Variants in AFG2A observed in about 807,000 individuals in gnomAD.
The protein encoded by AFG2A is AAA ATPase AFG2A, also known as ATPase family gene 2 protein homolog A.
the AFG2A span, chr4:123,102,295 G>GAAAAAAAA: frequency 6.7e-5 from 9 of 133,650 alleles, no homozygotes; most frequent in Admixed American, 1.5e-4. Context: ...GTGATTTTCA[G>GAAAAAAAA]AAAAAAAAAA....
chr4:123,090,267 C>A, the AFG2A span, among the ~76,000 whole-genome samples: 33 of 152,270 alleles, frequency 2.2e-4, no homozygotes, highest in Non-Finnish European at 3.8e-4. Context: ...TTGAACAATT[C>A]TCTATGTATT....
At chr4:123,076,326 A>G in the AFG2A span, among the ~76,000 whole-genome samples, 18 of 152,110 alleles carry the variant, frequency 1.2e-4, no homozygotes, top group Admixed American at 1.2e-3. Context: ...AAACAAATTC[A>G]AAATAAAAAA....
the AFG2A span, among the ~76,000 whole-genome samples, chr4:122,978,221 G>A: frequency 6.6e-6 from 1 of 152,096 alleles, no homozygotes; most frequent in African/African-American, 2.4e-5. Context: ...ACCTGGAGTG[G>A]GTGGCTCCTT....
chr4:123,256,761 A>G, the AFG2A span: 1 of 985,338 alleles, frequency 1.0e-6, no homozygotes, highest in South Asian at 4.7e-5. Flanking sequence ...GAACAGCAAG[A>G]CCTCTGTGAA....
chr4:123,057,363 A>G, the AFG2A span: 1 of 1,449,816 alleles, frequency 6.9e-7, no homozygotes, highest in Non-Finnish European at 9.5e-7. Flanking sequence ...TGGTATAAAT[A>G]GCATTTTGTA....
At chr4:123,160,518 A>G in the AFG2A span, among the ~76,000 whole-genome samples, 2 of 152,150 alleles carry the variant, frequency 1.3e-5, no homozygotes, top group Non-Finnish European at 2.9e-5. Flanking sequence ...TATCCTTGAC[A>G]TGTCTCCCTC....
At chr4:122,931,639 G>C in the AFG2A span, among the ~76,000 whole-genome samples, 9 of 152,198 alleles carry the variant, frequency 5.9e-5, no homozygotes, top group East Asian at 1.7e-3. Context: ...GAAATGTTAA[G>C]GGACTTGCCT....
chr4:123,122,633 A>T, the AFG2A span, among the ~76,000 whole-genome samples: 1 of 152,180 alleles, frequency 6.6e-6, no homozygotes, highest in South Asian at 2.1e-4. Context: ...TGCAGTGGTA[A>T]TTAATGAAGG....
At chr4:123,177,831 C>T in the AFG2A span, among the ~76,000 whole-genome samples, 17 of 152,256 alleles carry the variant, frequency 1.1e-4, 1 homozygote, top group Non-Finnish European at 1.8e-4. Context: ...GCCGCATGGC[C>T]GCATAGGGGA....
At chr4:123,078,372 G>C in the AFG2A span, among the ~76,000 whole-genome samples, 1 of 152,158 alleles carries the variant, frequency 6.6e-6, no homozygotes, top group Non-Finnish European at 1.5e-5. Context: ...GTACATATGA[G>C]GTGTGTAGTA....
At chr4:123,283,228 A>C in the AFG2A span, among the ~76,000 whole-genome samples, 2 of 152,202 alleles carry the variant, frequency 1.3e-5, no homozygotes, top group African/African-American at 4.8e-5. Context: ...AAAGGGAATA[A>C]TATTTTTAAG....
At chr4:123,095,598 T>C in the AFG2A span, among the ~76,000 whole-genome samples, 1 of 152,104 alleles carries the variant, frequency 6.6e-6, no homozygotes, top group Non-Finnish European at 1.5e-5. Context: ...CATCCTGTTA[T>C]GAAGTAAAGA....
the AFG2A span, among the ~76,000 whole-genome samples, chr4:122,990,691 C>A: frequency 3.3e-5 from 5 of 152,100 alleles, no homozygotes; most frequent in African/African-American, 7.2e-5. Flanking sequence ...TCTGCTCAAA[C>A]GATCCTCCTG....
the AFG2A span, among the ~76,000 whole-genome samples, chr4:122,927,336 T>C: frequency 6.6e-6 from 1 of 152,146 alleles, no homozygotes; most frequent in Non-Finnish European, 1.5e-5. Flanking sequence ...AGAGACTCTC[T>C]TTTGCAATTA....
the AFG2A span, among the ~76,000 whole-genome samples, chr4:123,224,478 G>A: frequency 6.6e-6 from 1 of 151,434 alleles, no homozygotes; most frequent in East Asian, 1.9e-4. Flanking sequence ...TTTTGTCCTT[G>A]CGATAGTTTG....
chr4:123,074,904 T>G, the AFG2A span, among the ~76,000 whole-genome samples: 1 of 152,296 alleles, frequency 6.6e-6, no homozygotes, highest in Admixed American at 6.5e-5. Flanking sequence ...ATGCTTTTGT[T>G]GATAACATGG....
the AFG2A span, among the ~76,000 whole-genome samples, chr4:122,942,028 G>A: frequency 2.6e-5 from 4 of 151,820 alleles, no homozygotes; most frequent in South Asian, 6.3e-4. Context: ...TGCTGGATTC[G>A]GTTTGCCAGT....
the AFG2A span, chr4:123,028,226 T>A: frequency 1.2e-5 from 19 of 1,614,064 alleles, no homozygotes; most frequent in Middle Eastern, 3.3e-4. Context: ...AGTATCAAAC[T>A]GAAGTTGGAA....
the AFG2A span, chr4:122,979,140 G>A: frequency 2.3e-5 from 34 of 1,452,612 alleles, no homozygotes; most frequent in Middle Eastern, 2.1e-3. Context: ...TGTCTTCACT[G>A]TTGCCACTCC....
Sources: allele counts gnomAD v4.1 joint callset (sites outside exome capture counted in the v4.1 genomes callset), GRCh38; gene constraint gnomAD v4.1.1; transcripts MANE v1.5; gene names NCBI Gene and HGNC (gene_info 2026-07-23, HGNC 2026-07-21).